Variants in NTM observed in about 807,000 individuals in gnomAD.
NTM encodes the protein IgLON family member 2.
Under a neutral mutation model 42.1 loss-of-function variants are expected in NTM, and 13 were observed. That is an observed-to-expected ratio of 0.31 (90% confidence interval 0.20 to 0.49). The LOEUF is 0.49. Ranked by LOEUF, NTM falls within the 20% of genes least tolerant of loss-of-function variation. The pLI, the probability that NTM is intolerant of heterozygous loss-of-function variation, is 0.99. For synonymous variants in NTM, 187 were observed against 179.2 expected (o/e 1.04, Z -0.35); for missense variants, 373 against 452.8 (o/e 0.82, Z 1.60).
chr11:131,871,876 C>G (rs1356652143), intron 1 of NTM, among the ~76,000 whole-genome samples: 1 of 152,196 alleles, frequency 6.6e-6, no homozygotes, highest in Non-Finnish European at 1.5e-5. Flanking sequence ...TGTTTCCCTG[C>G]AGCTCCTGCA....
intron 2 of NTM, among the ~76,000 whole-genome samples, chr11:132,102,533 G>A (rs2061752415): frequency 2.0e-5 from 3 of 152,216 alleles, no homozygotes; most frequent in Non-Finnish European, 4.4e-5. Flanking sequence ...GGTGAGAAGA[G>A]ATGGGAAAAT....
intron 7 of NTM, among the ~76,000 whole-genome samples, chr11:132,326,414 A>G (rs2080287164): frequency 6.6e-6 from 1 of 152,204 alleles, no homozygotes; most frequent in South Asian, 2.1e-4. Context: ...AGCAAAGTCA[A>G]TTGCAGGAAA....
At chr11:131,878,647 T>C in intron 1 of NTM, among the ~76,000 whole-genome samples, 1 of 128,856 alleles carries the variant, frequency 7.8e-6, no homozygotes, top group African/African-American at 3.0e-5. Flanking sequence ...ATATAATGTC[T>C]TATGTTCATA....
At chr11:132,013,562 G>A (rs1261047204) in intron 2 of NTM, among the ~76,000 whole-genome samples, 2 of 152,144 alleles carry the variant, frequency 1.3e-5, no homozygotes, top group African/African-American at 4.8e-5. Flanking sequence ...GATCAGTCTT[G>A]AACAGGGACA....
intron 7 of NTM, among the ~76,000 whole-genome samples, chr11:132,329,280 A>C (rs1292665232): frequency 2.0e-5 from 3 of 152,224 alleles, no homozygotes; most frequent in Non-Finnish European, 4.4e-5. Context: ...AACGACAAAG[A>C]GGGAAGTAAA....
intron 2 of NTM, among the ~76,000 whole-genome samples, chr11:132,070,386 C>G (rs1343734805): frequency 1.2e-3 from 168 of 139,458 alleles, no homozygotes; most frequent in African/African-American, 4.6e-3. Flanking sequence ...GTTAACACGT[C>G]ACACAGCCAA....
intron 1 of NTM, among the ~76,000 whole-genome samples, chr11:131,438,631 T>A (rs1206407669): frequency 6.6e-6 from 1 of 152,198 alleles, no homozygotes; most frequent in Admixed American, 6.5e-5. Context: ...TTCAGCTCCG[T>A]TGGGTCATTT....
At chr11:131,388,986 T>A (rs1591532179) in intron 1 of NTM, among the ~76,000 whole-genome samples, 1 of 118,718 alleles carries the variant, frequency 8.4e-6, no homozygotes, top group South Asian at 2.5e-4. Context: ...CACTCCAGCC[T>A]GGGCGACAAG....
chr11:132,113,751 C>G (rs2063530648), intron 2 of NTM, among the ~76,000 whole-genome samples: 1 of 152,180 alleles, frequency 6.6e-6, no homozygotes, highest in Non-Finnish European at 1.5e-5. Flanking sequence ...TTAGCAGTCT[C>G]TTTCCAGAGT....
rs183814681 is a variant in NTM at position 132,031,334 on chromosome 11, C to G, written c.168-114948C>G. ...GTTCTTTTATTTTCAAAGAGTAACT[C>G]TGGGACCATGAGAATAGACTCCAAG... On this transcript the variant is annotated intron_variant, in intron 2 of 8. Transcript: ENST00000683400. Among the ~76,000 whole-genome samples, 87 of 152,264 alleles carry G rather than the reference C, an allele frequency of 5.7e-4. 1 individual carries two copies. Among genetic ancestry groups the G allele is most frequent in the Admixed American group, 5.0e-3 (77 of 15,294 alleles).
At chr11:131,395,640 C>A (rs367805903) in intron 1 of NTM, among the ~76,000 whole-genome samples, 1 of 152,148 alleles carries the variant, frequency 6.6e-6, no homozygotes. Context: ...TCATTAGAAC[C>A]GCTCTGAGTT....
At chr11:131,852,859 TATCCATCCATCCACCCATCCGTCC>T (rs2045707851) in intron 1 of NTM, among the ~76,000 whole-genome samples, 3 of 139,440 alleles carry the variant, frequency 2.2e-5, no homozygotes, top group African/African-American at 5.5e-5. Flanking sequence ...CCCATCCATC[TATCCATCCATCCACCCATCCGTCC>T]ATCCATCCAT....
rs963553454 is a variant in NTM at position 132,125,967 on chromosome 11, G to A, written c.168-20315G>A. Among the ~76,000 whole-genome samples, 5 of 151,904 alleles carry A rather than the reference G, an allele frequency of 3.3e-5. No individual in the cohort carries two copies. The Middle Eastern group carries it at 0.01, about 310-fold the overall frequency. Reference sequence around the variant, plus strand: ...AGAGATCAACAGGGGTCCCAGGCAAGGGGGATGAGTGGGCTGTTGGCAGAG... The same window carrying A: ...AGAGATCAACAGGGGTCCCAGGCAAAGGGGATGAGTGGGCTGTTGGCAGAG... On this transcript the variant is annotated intron_variant, in intron 2 of 8. Transcript: ENST00000683400.
chr11:131,983,370 G>A (rs959258231), intron 2 of NTM, among the ~76,000 whole-genome samples: 8 of 137,964 alleles, frequency 5.8e-5, no homozygotes, highest in African/African-American at 2.3e-4. Context: ...GTATAAAATT[G>A]TATCTTTTTT....
At chr11:131,803,524 A>C (rs921252055) in intron 1 of NTM, among the ~76,000 whole-genome samples, 2 of 152,146 alleles carry the variant, frequency 1.3e-5, no homozygotes, top group Admixed American at 6.5e-5. Context: ...TGGCGAGGCT[A>C]GTCTCAAACT....
At chr11:131,462,830 C>T (rs1320678350) in intron 1 of NTM, among the ~76,000 whole-genome samples, 2 of 151,692 alleles carry the variant, frequency 1.3e-5, no homozygotes, top group South Asian at 2.1e-4. Flanking sequence ...CTAGGGTGGT[C>T]CACCACCTTC....
At chr11:132,270,606 A>G (rs1448564227) in intron 4 of NTM, among the ~76,000 whole-genome samples, 2 of 152,152 alleles carry the variant, frequency 1.3e-5, no homozygotes, top group African/African-American at 2.4e-5. Flanking sequence ...TATTATGACT[A>G]AAACTGTTAT....
At chr11:132,070,215 A>G (rs369779880) in intron 2 of NTM, among the ~76,000 whole-genome samples, 507 of 109,086 alleles carry the variant, frequency 4.6e-3, no homozygotes, top group South Asian at 9.8e-3. Flanking sequence ...CAAACTGACC[A>G]TCACAGGTTA....
At chr11:131,562,892 A>G (rs1294590124) in intron 1 of NTM, among the ~76,000 whole-genome samples, 1 of 152,096 alleles carries the variant, frequency 6.6e-6, no homozygotes, top group Non-Finnish European at 1.5e-5. Context: ...CCCTTTAACC[A>G]TGCTTAGTGG....
Sources: gnomAD v4.1 joint callset for allele counts (sites outside exome capture counted in the v4.1 genomes callset) on GRCh38, gnomAD v4.1.1 for gene constraint, MANE v1.5 for transcripts, NCBI Gene and HGNC (gene_info 2026-07-23, HGNC 2026-07-21) for gene names.